The following LMX1A variants were observed in gnomAD, a reference collection of about 807,000 sequenced individuals.
LMX1A encodes LIM homeobox transcription factor 1-alpha.
In LMX1A, 15 loss-of-function variants were observed where a neutral mutation model predicts 49.1. The ratio of observed to expected loss-of-function variants is 0.31; its 90% CI spans 0.20 to 0.47. The LOEUF is 0.47. LMX1A is among the 20% of genes least tolerant of loss of function. The pLI is 1.00. For synonymous variants in LMX1A, 167 were observed against 185.7 expected, an observed-to-expected ratio of 0.90 and a Z score of 0.82; for missense variants, 372 against 475.8, an observed-to-expected ratio of 0.78 and a Z score of 2.03.
intron 4 of LMX1A, among the ~76,000 whole-genome samples, chr1:165,245,737 C>A (rs1403132098): frequency 6.6e-6 from 1 of 151,990 alleles, no homozygotes; most frequent in East Asian, 1.9e-4. Context: ...CCCACTATAA[C>A]CCCATGTGGA....
intron 3 of LMX1A, among the ~76,000 whole-genome samples, chr1:165,288,746 G>A (rs976680908): frequency 3.9e-5 from 6 of 152,212 alleles, no homozygotes; most frequent in East Asian, 1.9e-4. Context: ...AGGCTCAGGC[G>A]GCAGCTATCA....
chr1:165,240,951 A>G (rs1276378487), intron 4 of LMX1A, among the ~76,000 whole-genome samples: 1 of 152,260 alleles, frequency 6.6e-6, no homozygotes, highest in East Asian at 1.9e-4. Flanking sequence ...CACTGTATGC[A>G]TCAGTTTTCT....
At chr1:165,236,596 C>G (rs1652453163) in intron 4 of LMX1A, among the ~76,000 whole-genome samples, 1 of 152,096 alleles carries the variant, frequency 6.6e-6, no homozygotes. Context: ...CTAACTATAC[C>G]TGCTCACTCT....
intron 3 of LMX1A, 48 bp from the exon 4 acceptor site, chr1:165,249,688 C>T (rs1191742760): frequency 3.3e-6 from 5 of 1,508,516 alleles, no homozygotes; most frequent in South Asian, 1.2e-5. Flanking sequence ...TAAAATCTGG[C>T]TTGGTCCTGG....
chr1:165,290,350 T>C (rs1654427564), intron 3 of LMX1A, among the ~76,000 whole-genome samples: 1 of 152,242 alleles, frequency 6.6e-6, no homozygotes, highest in Non-Finnish European at 1.5e-5. Context: ...TTCCATTCCT[T>C]GCTGCTTCTG....
intron 3 of LMX1A, among the ~76,000 whole-genome samples, chr1:165,296,838 G>A (rs1654635120): frequency 6.6e-6 from 1 of 152,198 alleles, no homozygotes; most frequent in Non-Finnish European, 1.5e-5. Flanking sequence ...TTCCATTATT[G>A]TGTATATTAC....
chr1:165,340,806 T>A (rs1226302039), intron 3 of LMX1A, among the ~76,000 whole-genome samples: 1 of 152,206 alleles, frequency 6.6e-6, no homozygotes, highest in Non-Finnish European at 1.5e-5. Context: ...CAGGTACTGA[T>A]GTAACAGTCC....
At chr1:165,313,837 C>T (rs941529177) in intron 3 of LMX1A, among the ~76,000 whole-genome samples, 16 of 152,166 alleles carry the variant, frequency 1.1e-4, no homozygotes, top group African/African-American at 3.9e-4. Context: ...TTTAAGAAAG[C>T]TAGAAAAGCC....
chr1:165,292,923 C>T (rs1654518055), intron 3 of LMX1A, among the ~76,000 whole-genome samples: 1 of 152,060 alleles, frequency 6.6e-6, no homozygotes, highest in South Asian at 2.1e-4. Flanking sequence ...TTGAGACCAT[C>T]CTGGCAAACA....
At chr1:165,275,885 GTT>G (rs1491269303) in intron 3 of LMX1A, among the ~76,000 whole-genome samples, 3 of 147,316 alleles carry the variant, frequency 2.0e-5, no homozygotes, top group Non-Finnish European at 4.5e-5. Flanking sequence ...GTGTGTGTGT[GTT>G]TGTCTTCCTC....
chr1:165,313,471 CTTT>C (rs34912339), intron 3 of LMX1A, among the ~76,000 whole-genome samples: 229 of 114,832 alleles, frequency 2.0e-3, no homozygotes, highest in Admixed American at 5.1e-3. Context: ...CACCTTCTTC[CTTT>C]TTTTTTTTTT....
At chr1:165,240,683 A>T (rs1180235539) in intron 4 of LMX1A, among the ~76,000 whole-genome samples, 1 of 152,208 alleles carries the variant, frequency 6.6e-6, no homozygotes, top group African/African-American at 2.4e-5. Context: ...CCTACTTAGG[A>T]ATAGAGTAAC....
At chr1:165,229,820 C>T (rs1019589281) in intron 4 of LMX1A, among the ~76,000 whole-genome samples, 9 of 151,724 alleles carry the variant, frequency 5.9e-5, no homozygotes, top group Non-Finnish European at 1.2e-4. Flanking sequence ...GGAGGGGGGC[C>T]GTAGATGCAA....
intron 3 of LMX1A, among the ~76,000 whole-genome samples, chr1:165,253,145 A>T (rs1653116271): frequency 6.6e-6 from 1 of 152,212 alleles, no homozygotes; most frequent in Non-Finnish European, 1.5e-5. Context: ...CAAATCCTTG[A>T]CCTCATGTAG....
At chr1:165,207,154 T>C (rs1651120192) in intron 7 of LMX1A, among the ~76,000 whole-genome samples, 1 of 152,204 alleles carries the variant, frequency 6.6e-6, no homozygotes, top group Non-Finnish European at 1.5e-5. Flanking sequence ...AATTGGAATC[T>C]GCACCTTACC....
chr1:165,260,999 C>T (rs1227664596), intron 3 of LMX1A, among the ~76,000 whole-genome samples: 1 of 152,152 alleles, frequency 6.6e-6, no homozygotes, highest in Non-Finnish European at 1.5e-5. Flanking sequence ...TATTCAATTA[C>T]ATTCATTATA....
intron 8 of LMX1A, 150 bp from the exon 9 acceptor site, chr1:165,204,190 C>G: frequency 1.3e-6 from 1 of 771,308 alleles, no homozygotes; most frequent in Admixed American, 2.8e-5. Context: ...TTAGGGGGCT[C>G]AAGTCCAAAG....
intron 4 of LMX1A, among the ~76,000 whole-genome samples, chr1:165,226,542 T>C (rs1290828792): frequency 6.6e-6 from 1 of 152,170 alleles, no homozygotes; most frequent in African/African-American, 2.4e-5. Context: ...CAAGAGATTA[T>C]AGGGAAGCAC....
At chr1:165,261,336 A>G (rs974376210) in intron 3 of LMX1A, among the ~76,000 whole-genome samples, 1 of 152,154 alleles carries the variant, frequency 6.6e-6, no homozygotes, top group African/African-American at 2.4e-5. Context: ...CATCCACTAA[A>G]AACTGGAAGT....
Sources: gnomAD v4.1 joint callset for allele counts (sites outside exome capture counted in the v4.1 genomes callset) on GRCh38, gnomAD v4.1.1 for gene constraint, MANE v1.5 for transcripts, NCBI Gene and HGNC (gene_info 2026-07-23, HGNC 2026-07-21) for gene names.